WBP11: variants seen among roughly 807,000 people sequenced by gnomAD.
The protein encoded by WBP11 is WW domain-binding protein 11.
In WBP11, 12 loss-of-function variants were observed where a neutral mutation model predicts 66.7. That is an observed-to-expected ratio of 0.18 (90% CI 0.12 to 0.29). The LOEUF is 0.29. Among genes scored for constraint, WBP11 ranks in the 10% least tolerant of loss-of-function variants. The pLI, the probability that WBP11 is intolerant of heterozygous loss-of-function variation, is 1.00. For synonymous variants in WBP11, 255 were observed against 273.8 expected (o/e 0.93, Z 0.68); for missense variants, 555 against 818.3 (o/e 0.68, Z 3.93).
intron 8 of WBP11, among the ~76,000 whole-genome samples, chr12:14,793,291 G>T (rs1949844514): frequency 1.3e-5 from 2 of 152,054 alleles, no homozygotes; most frequent in South Asian, 4.1e-4. Flanking sequence ...TATGTTTCAT[G>T]ATTCCACTCA....
At position 14,789,113 on chromosome 12, in the gene WBP11, G is replaced by A. The variant is rs764455334; in HGVS notation, c.1330C>T (p.Pro444Ser). Residue 444 changes from proline (P) to serine (S), a missense_variant, in exon 11 of 12, where the codon CCA (proline) becomes TCA (serine). Around this residue, in one of 6 missense-constraint regions of WBP11, gnomAD observed 230 missense variants for 286.3 expected, o/e 0.80. Transcript: ENST00000261167. ...PPPGAPPFLR[P>S]PGMPGLRGPL... ...CCTCGGAGTCCTGGCATTCCAGGTG[G>A]TCTCAGGAATGGAGGAGCTCCTGAA... 7 of 1,531,716 alleles carry A rather than the reference G, an allele frequency of 4.6e-6. No individual in the cohort carries two copies. The East Asian group carries it at 1.9e-4, about 41-fold the overall frequency. The allele number at this position is 1,531,716 out of a possible 1,614,324, so 94.9% of individuals were successfully genotyped here. A position where few individuals can be genotyped will look rare whatever the true frequency, so the allele number is the denominator to read the frequency against.
chr12:14,793,618 G>T, intron 8 of WBP11, 113 bp downstream of exon 8: 1 of 1,286,990 alleles, frequency 7.8e-7, no homozygotes, highest in Non-Finnish European at 1.1e-6. Flanking sequence ...ACACAGCTAT[G>T]ATCCCGACTT....
Position 14,796,675 on chromosome 12 carries a change from A to C in WBP11, c.387+132T>G. ...CCAAAATATATGCAAATATACACAA[A>C]AACAAAACAAAATATAAAAAAAACC... On this transcript the variant is annotated intron_variant, in intron 5 of 11. Coordinates refer to ENST00000261167, the MANE Select transcript of WBP11 (RefSeq NM_016312.3). The surrounding 1 kb of genome is among the most constrained non-coding windows in gnomAD (Gnocchi z 4.5). 1 of 868,396 alleles carries C rather than the reference A, an allele frequency of 1.2e-6. No homozygotes were observed. Among genetic ancestry groups the C allele is most frequent in the South Asian group, 2.3e-5 (1 of 43,520 alleles). 53.8% of individuals were successfully genotyped at this position (868,396 alleles called of 1,614,324 possible). A position where few individuals can be genotyped will look rare whatever the true frequency, so the allele number is the denominator to read the frequency against.
At chr12:14,797,030 TAAATA>T in intron 4 of WBP11, 27 bp from the exon 5 acceptor site, 1 of 1,539,418 alleles carries the variant, frequency 6.5e-7, no homozygotes, top group Non-Finnish European at 8.7e-7. Flanking sequence ...ATTATGGAAT[TAAATA>T]TAAGAGGCCA....
At position 14,793,892 on chromosome 12, in the gene WBP11, C is replaced by G. The variant is rs201707496; in HGVS notation, c.752G>C (p.Ser251Thr). Residue 251 changes from serine to threonine, a missense_variant, in exon 8 of 12, where the codon AGC (serine) becomes ACC (threonine). Physicochemically the swap from Ser to Thr is moderately conservative, Grantham distance 58. Coordinates refer to ENST00000261167, the MANE Select transcript of WBP11 (RefSeq NM_016312.3). The stretch of plus-strand genomic sequence containing the variant: ...AGGATAGCCATCATCTTCACTGGTG[C>G]TAGAAACATCATCATCATGACCTCG... ...AQRGHDDDVS[S>T]TSEDDGYPED... 4 of 1,612,986 alleles carry G rather than the reference C, an allele frequency of 2.5e-6. No individual in the cohort carries two copies. In the East Asian group the frequency reaches 6.7e-5, roughly 27 times the overall value.
At chr12:14,790,433 A>C (rs770580923) in intron 10 of WBP11, 23 bp downstream of exon 10, 1 of 1,606,598 alleles carries the variant, frequency 6.2e-7, no homozygotes, top group Non-Finnish European at 8.5e-7. Flanking sequence ...TTTAAACTTT[A>C]TTCACATTAT....
At chr12:14,798,112 A>G (rs1949913902) in intron 4 of WBP11, among the ~76,000 whole-genome samples, 1 of 152,198 alleles carries the variant, frequency 6.6e-6, no homozygotes, top group Admixed American at 6.5e-5. Context: ...TAAAAGAATA[A>G]CAAATTTATC....
Position 14,784,694 on chromosome 12 carries a change from G to A in WBP11, c.*2371C>T, listed in dbSNP as rs1949732271. 6.6e-6 allele frequency: 1 copy of A among 152,168 alleles called. No individual in the cohort carries two copies. Among genetic ancestry groups the A allele is most frequent in the African/African-American group, 2.4e-5 (1 of 41,426 alleles). 9.4% of individuals were successfully genotyped at this position (152,168 alleles called of 1,614,324 possible). Reference sequence around the variant, plus strand: ...TTCATGCTGATTCCATGACATGGCAGAGTATTATTGTGGTGATCCTTAATT... The same window carrying A: ...TTCATGCTGATTCCATGACATGGCAAAGTATTATTGTGGTGATCCTTAATT... On this transcript the variant is annotated 3_prime_UTR_variant, in exon 12 of 12. Transcript: ENST00000261167.
intron 1 of WBP11, chr12:14,801,817 T>C (rs1949967330): frequency 6.4e-6 from 1 of 156,538 alleles, no homozygotes; most frequent in Non-Finnish European, 1.4e-5. Context: ...TATTAACATG[T>C]AATTGTAAAA....
Position 14,789,019 on chromosome 12 carries a change from G to A in WBP11, c.1424C>T (p.Pro475Leu), listed in dbSNP as rs1486341297. Reference protein sequence around the residue: ...GRPPGPPPGPPPGLPPGPPPR... With the variant: ...GRPPGPPPGPLPGLPPGPPPR... ...AGGGGGACCAGGAGGCAGACCTGGAGGTGGACCTGGGGGAGGGCCAGGGGG... is the reference window on the plus strand; with the variant it reads ...AGGGGGACCAGGAGGCAGACCTGGAAGTGGACCTGGGGGAGGGCCAGGGGG... The change falls in exon 11 of 12, where the codon CCT becomes CTT. Residue 475 changes from proline to leucine, a missense_variant. Pro to Leu is a moderately conservative substitution (Grantham distance 98, BLOSUM62 -3). Transcript: ENST00000261167. 6.7e-7 allele frequency: 1 copy of A among 1,499,292 alleles called. No individual in the cohort carries two copies. 92.9% of individuals were successfully genotyped at this position (1,499,292 alleles called of 1,614,324 possible).
intron 8 of WBP11, among the ~76,000 whole-genome samples, chr12:14,792,031 G>GTA (rs767773073): frequency 2.6e-4 from 39 of 152,162 alleles, no homozygotes; most frequent in Non-Finnish European, 4.1e-4. Context: ...ACTGGGTACA[G>GTA]TATATACACT....
Position 14,789,038 on chromosome 12 carries a change from C to A in WBP11, c.1405G>T (p.Gly469Cys). The A allele has an allele frequency of 6.6e-7, 1 of 1,507,094 alleles. No homozygotes were observed. Among genetic ancestry groups the A allele is most frequent in the Middle Eastern group, 1.8e-4 (1 of 5,620 alleles). 93.4% of individuals were successfully genotyped at this position (1,507,094 alleles called of 1,614,324 possible). A position where few individuals can be genotyped will look rare whatever the true frequency, so the allele number is the denominator to read the frequency against. The change falls in exon 11 of 12, where the codon GGC (glycine) becomes TGC (cysteine). Residue 469 changes from glycine to cysteine, a missense_variant. Physicochemically the swap from Gly to Cys is radical, Grantham distance 159 (BLOSUM62 -3). Transcript: ENST00000261167. ...PPGPPPGRPP[G>C]PPPGPPPGLP... ...CCTGGAGGTGGACCTGGGGGAGGGCCAGGGGGTCGGCCTGGTGGTGGTCCT... is the reference window on the plus strand; with the variant it reads ...CCTGGAGGTGGACCTGGGGGAGGGCAAGGGGGTCGGCCTGGTGGTGGTCCT...
intron 11 of WBP11, among the ~76,000 whole-genome samples, 162 bp from the exon 12 acceptor site, chr12:14,787,660 T>C (rs1231046645): frequency 6.6e-6 from 1 of 152,222 alleles, no homozygotes; most frequent in African/African-American, 2.4e-5. Flanking sequence ...CTCAGGAATA[T>C]TTTATTATAA....
chr12:14,798,182 C>T (rs1330490766), intron 4 of WBP11, among the ~76,000 whole-genome samples: 1 of 152,080 alleles, frequency 6.6e-6, no homozygotes, highest in African/African-American at 2.4e-5. Context: ...ATCCAGAGGG[C>T]GTATTCTTAC....
intron 1 of WBP11, among the ~76,000 whole-genome samples, chr12:14,802,299 G>A (rs1365339928): frequency 2.6e-5 from 4 of 152,092 alleles, no homozygotes; most frequent in Admixed American, 2.0e-4. Context: ...TAATAAAGGC[G>A]GACAAATTTG....
chr12:14,787,305 G>A lies in WBP11; in HGVS notation c.1686C>T (p.Ile562=), dbSNP rs780009897. 6.2e-7 allele frequency: 1 copy of A among 1,614,180 alleles called. No individual in the cohort carries two copies. The highest frequency in any genetic ancestry group is 8.5e-7 in the Non-Finnish European group (1 of 1,180,026). The change falls in exon 12 of 12, where the codon ATC becomes ATT. Residue 562 remains isoleucine, a synonymous_variant. Transcript: ENST00000261167. ...GATTAGTGATCTGTGGCTTGGCACT[G>A]ATGGTTGCTGTGGCTTTCTTCTCAA... is the stretch of plus-strand genomic sequence containing the variant. ...ATIEKKATAT[I]SAKPQITNPK...
chr12:14,796,492 TA>T lies in WBP11; in HGVS notation c.387+314del, dbSNP rs1485914493. On this transcript the variant is annotated intron_variant, in intron 5 of 11. Transcript: ENST00000261167. The surrounding 1 kb of genome is among the most constrained non-coding windows in gnomAD (Gnocchi z 4.5). ...GAATATCTAAAATGCTCCAAAATCC[TA>T]AACTTTTTGACTCCCATATGATGCC... 2.6e-5 allele frequency among the ~76,000 whole-genome samples: 4 copies of T among 152,122 alleles called. No homozygotes were observed. Among genetic ancestry groups the T allele is most frequent in the Admixed American group, 2.6e-4 (4 of 15,272 alleles).
chr12:14,794,039 C>CAAAAAAA, intron 7 of WBP11, 117 bp from the exon 8 acceptor site: 1 of 330,838 alleles, frequency 3.0e-6, no homozygotes, highest in Non-Finnish European at 4.8e-6. Context: ...TAATTCTTAC[C>CAAAAAAA]AAAAAAAAAA....
chr12:14,795,787 T>A (rs1263773020), intron 5 of WBP11, among the ~76,000 whole-genome samples: 1 of 152,080 alleles, frequency 6.6e-6, no homozygotes, highest in Non-Finnish European at 1.5e-5. Context: ...ACAAATAGTA[T>A]ATATCCAGTG....
Sources: gnomAD v4.1 joint callset for allele counts (sites outside exome capture counted in the v4.1 genomes callset) on GRCh38, gnomAD v4.1.1 for gene constraint, gnomAD v4.1.1 regional missense constraint, Gnocchi (gnomAD v3.1) non-coding constraint, MANE v1.5 for transcripts, NCBI Gene and HGNC (gene_info 2026-07-23, HGNC 2026-07-21) for gene names.